CLTCL1: variants seen among roughly 807,000 people sequenced by gnomAD.
CLTCL1 encodes clathrin heavy chain 2.
CLTCL1 carries 159 observed loss-of-function variants against 190.0 expected under a neutral mutation model. The ratio of observed to expected loss-of-function variants is 0.84; its 90% CI spans 0.74 to 0.95. The LOEUF (loss-of-function observed/expected upper bound fraction) is 0.95, where lower values mean the gene tolerates loss of function less well. Among genes scored for constraint, CLTCL1 ranks in the 40% least tolerant of loss-of-function variants. The pLI is 0.00. For synonymous variants in CLTCL1, 752 were observed against 769.6 expected (o/e 0.98, Z 0.38); for missense variants, 1,878 against 2,033.4 (o/e 0.92, Z 1.47).
At position 19,208,947 on chromosome 22, in the gene CLTCL1, T is replaced by A. The variant is rs1555944702; in HGVS notation, c.3417A>T (p.Glu1139Asp). 6.2e-7 allele frequency: 1 copy of A among 1,610,256 alleles called. No individual in the cohort carries two copies. The highest frequency in any genetic ancestry group is 8.5e-7 in the Non-Finnish European group (1 of 1,178,300). Residue 1139 changes from glutamate to aspartate, a missense_variant, in exon 21 of 33, where the codon GAA becomes GAT. Glu to Asp is a conservative substitution (Grantham distance 45). Coordinates refer to ENST00000427926, the MANE Select transcript of CLTCL1 (RefSeq NM_007098.4). ...IRGDDPSSYL[E>D]VVQSASRSNN... ...TGCTCCTGCTGGCTGACTGAACAAC[T>A]TCCAGGTAAGAGGAAGGGTCGTCCC...
At chr22:19,248,108 C>T (rs2086477256) in intron 3 of CLTCL1, among the ~76,000 whole-genome samples, 1 of 151,726 alleles carries the variant, frequency 6.6e-6, no homozygotes, top group South Asian at 2.1e-4. Flanking sequence ...ACCAGACTGA[C>T]CAACATGGAG....
intron 2 of CLTCL1, among the ~76,000 whole-genome samples, chr22:19,261,414 A>G (rs1423435702): frequency 6.6e-6 from 1 of 152,134 alleles, no homozygotes; most frequent in Non-Finnish European, 1.5e-5. Context: ...CCAGCCTAAG[A>G]AATACATTTT....
rs782542433 is a variant in CLTCL1 at position 19,208,934 on chromosome 22, C to T, written c.3430G>A (p.Ala1144Thr). 4 of 1,607,264 alleles carry T rather than the reference C, an allele frequency of 2.5e-6. No homozygotes were observed. The highest frequency in any genetic ancestry group is 3.4e-6 in the Non-Finnish European group (4 of 1,176,744). ...PSSYLEVVQSASRSNNWEDLV... is the reference protein window; with the variant it reads ...PSSYLEVVQSTSRSNNWEDLV... ...GGGACTCACTTACTGCTCCTGCTGG[C>T]TGACTGAACAACTTCCAGGTAAGAG... is the stretch of plus-strand genomic sequence containing the variant. The change falls in exon 21 of 33, where the codon GCC becomes ACC. Residue 1144 changes from alanine to threonine, a missense_variant. Coordinates refer to ENST00000427926, the MANE Select transcript of CLTCL1 (RefSeq NM_007098.4).
At chr22:19,246,526 G>C (rs532594828) in intron 3 of CLTCL1, among the ~76,000 whole-genome samples, 1 of 151,628 alleles carries the variant, frequency 6.6e-6, no homozygotes, top group Non-Finnish European at 1.5e-5. Context: ...GCCCAGGCTG[G>C]AGTGCAATGG....
intron 2 of CLTCL1, chr22:19,258,269 T>A: frequency 2.8e-6 from 1 of 352,988 alleles, no homozygotes; most frequent in Non-Finnish European, 5.5e-6. Flanking sequence ...TCATGGCAGA[T>A]ATCTGGGCCC....
intron 1 of CLTCL1, among the ~76,000 whole-genome samples, chr22:19,284,483 A>C (rs1216718105): frequency 4.6e-5 from 7 of 152,052 alleles, no homozygotes; most frequent in African/African-American, 1.7e-4. Context: ...CAACATAATG[A>C]AACCCCATCT....
chr22:19,235,698 G>A lies in CLTCL1; in HGVS notation c.967C>T (p.Gln323Ter), dbSNP rs1555961636. Reference protein sequence around the residue: ...SGIIGVNKKGQVLSVCVEEDN... With the variant: ...SGIIGVNKKG ...AATGAAATGTCAGAGTTACACACCT[G>A]TCCCTTTTTGTTGACACCAATAATT... is the stretch of plus-strand genomic sequence containing the variant. The change falls in exon 6 of 33, where the codon CAG becomes TAG. Residue 323 changes from glutamine to a stop codon, truncating the protein, a stop_gained and splice_region_variant. Transcript: ENST00000427926. LOFTEE classifies it high-confidence loss of function. 1.9e-6 allele frequency: 3 copies of A among 1,612,504 alleles called. No homozygotes were observed. Among genetic ancestry groups the A allele is most frequent in the Non-Finnish European group, 2.5e-6 (3 of 1,179,098 alleles).
intron 1 of CLTCL1, among the ~76,000 whole-genome samples, chr22:19,279,311 A>G (rs2087625020): frequency 1.3e-5 from 2 of 151,182 alleles, no homozygotes; most frequent in African/African-American, 2.4e-5. Flanking sequence ...GATTTTTGTA[A>G]TTTTTAGTAG....
intron 2 of CLTCL1, chr22:19,258,353 C>CTTTTTGA: frequency 2.4e-6 from 1 of 423,410 alleles, no homozygotes; most frequent in Non-Finnish European, 4.5e-6. Context: ...AGGAGAGCAC[C>CTTTTTGA]ACAGTGGTCA....
chr22:19,241,926 C>A (rs1280152350), intron 4 of CLTCL1, among the ~76,000 whole-genome samples: 6 of 151,322 alleles, frequency 4.0e-5, no homozygotes, highest in Admixed American at 4.0e-4. Context: ...AGAGCAGAAA[C>A]TGTGCCTCAT....
chr22:19,246,615 T>C (rs1447624013), intron 3 of CLTCL1, among the ~76,000 whole-genome samples: 2 of 152,152 alleles, frequency 1.3e-5, no homozygotes, highest in Non-Finnish European at 2.9e-5. Context: ...TAGCTGGGAT[T>C]AAAGGCATGC....
chr22:19,218,330 A>T (rs986993120), intron 18 of CLTCL1, among the ~76,000 whole-genome samples: 1 of 152,218 alleles, frequency 6.6e-6, no homozygotes, highest in African/African-American at 2.4e-5. Context: ...CTAGTAGAAT[A>T]TTGTGTTGTT....
At chr22:19,240,254 CGCCCAGCCACCAT>C (rs2086211587) in intron 4 of CLTCL1, among the ~76,000 whole-genome samples, 1 of 152,034 alleles carries the variant, frequency 6.6e-6, no homozygotes, top group Non-Finnish European at 1.5e-5. Flanking sequence ...CGAGCCACCA[CGCCCAGCCACCAT>C]AACTTTCATC....
At chr22:19,192,434 G>A (rs1405513890) in intron 26 of CLTCL1, among the ~76,000 whole-genome samples, 4 of 152,180 alleles carry the variant, frequency 2.6e-5, no homozygotes, top group African/African-American at 7.2e-5. Flanking sequence ...GCTCTGTTCA[G>A]GGAGCATGCA....
chr22:19,196,894 G>T (rs1418269035), intron 24 of CLTCL1, among the ~76,000 whole-genome samples: 1 of 152,150 alleles, frequency 6.6e-6, no homozygotes, highest in Non-Finnish European at 1.5e-5. Context: ...AGTTTAGTAA[G>T]TGCAAATTAG....
chr22:19,229,494 T>C (rs149342422), intron 11 of CLTCL1, among the ~76,000 whole-genome samples: 83 of 152,322 alleles, frequency 5.4e-4, no homozygotes, highest in Admixed American at 1.6e-3. Flanking sequence ...TCTGGAACTA[T>C]GTAGTGGTAA....
intron 24 of CLTCL1, among the ~76,000 whole-genome samples, chr22:19,199,041 G>A (rs60534497): frequency 2.0e-5 from 3 of 152,122 alleles, no homozygotes; most frequent in African/African-American, 4.8e-5. Flanking sequence ...GCGCTGGTGC[G>A]AGCCCCTCCA....
chr22:19,246,417 T>C (rs544704665), intron 3 of CLTCL1, among the ~76,000 whole-genome samples: 3 of 152,260 alleles, frequency 2.0e-5, no homozygotes, highest in East Asian at 3.9e-4. Flanking sequence ...TGAACATTTT[T>C]ATATTCCTAC....
At chr22:19,209,826 AAAG>A (rs2085161784) in intron 20 of CLTCL1, among the ~76,000 whole-genome samples, 2 of 152,224 alleles carry the variant, frequency 1.3e-5, no homozygotes, top group African/African-American at 2.4e-5. Flanking sequence ...GATGCAGTTT[AAAG>A]AAGAAGAGTT....
Sources: gnomAD v4.1 joint callset for allele counts (sites outside exome capture counted in the v4.1 genomes callset) on GRCh38, gnomAD v4.1.1 for gene constraint, MANE v1.5 for transcripts, NCBI Gene and HGNC (gene_info 2026-07-23, HGNC 2026-07-21) for gene names.